Variants in EIF3A observed in about 807,000 individuals in gnomAD.
The protein encoded by EIF3A is eukaryotic translation initiation factor 3 subunit A, also known as EIF3, p180 subunit.
EIF3A carries 21 observed loss-of-function variants against 186.6 expected under a neutral mutation model. That is an observed-to-expected ratio of 0.11 (90% CI 0.08 to 0.16). EIF3A has a LOEUF of 0.16. Ranked by LOEUF, EIF3A falls within the 10% of genes least tolerant of loss-of-function variation. The pLI is 1.00. For missense variants in EIF3A, 1,306 were observed against 1,796.3 expected (o/e 0.73, Z 4.93); for synonymous variants, 563 against 584.3 (o/e 0.96, Z 0.52).
In EIF3A at chr10:119,059,639, C is replaced by T. The variant is rs751720763; in HGVS notation, c.1406G>A (p.Arg469Gln). Residue 469 changes from arginine (R) to glutamine (Q), a missense_variant, in exon 10 of 22, where the codon CGG (arginine) becomes CAG (glutamine). Arg to Gln is a conservative substitution (Grantham distance 43). Transcript: ENST00000369144. Reference sequence around the variant, plus strand: ...ATGCCTGGCTGCATCTACTATGGCCCGTTCCAGTTGGAAAGCATCAACAAA... The same window carrying T: ...ATGCCTGGCTGCATCTACTATGGCCTGTTCCAGTTGGAAAGCATCAACAAA... ...VPFVDAFQLE[R>Q]AIVDAARHCD... 5.0e-6 allele frequency: 8 copies of T among 1,614,114 alleles called. No individual in the cohort carries two copies. Among genetic ancestry groups the T allele is most frequent in the East Asian group, 2.2e-5 (1 of 44,880 alleles).
intron 1 of EIF3A, among the ~76,000 whole-genome samples, chr10:119,077,318 G>C (rs1209940184): frequency 1.3e-5 from 2 of 151,830 alleles, no homozygotes; most frequent in Admixed American, 6.6e-5. Context: ...GGGCATGGTG[G>C]GACACACCTG....
intron 14 of EIF3A, 129 bp downstream of exon 14, chr10:119,056,611 A>G (rs1843786813): frequency 1.5e-6 from 1 of 650,200 alleles, no homozygotes; most frequent in South Asian, 2.0e-5. Context: ...CAATCTGTTC[A>G]TAGGCAGCCA....
rs556687977 is a variant in EIF3A, at chr10:119,041,895, G to A, written c.3526+99C>T. 196 of 1,314,238 alleles carry A rather than the reference G, an allele frequency of 1.5e-4. 6 individuals are homozygous for A. The South Asian group carries it at 2.2e-3, about 15-fold the overall frequency. 81.4% of individuals were successfully genotyped at this position (1,314,238 alleles called of 1,614,324 possible). A position where few individuals can be genotyped will look rare whatever the true frequency, so the allele number is the denominator to read the frequency against. On this transcript the variant is annotated intron_variant, in intron 19 of 21. Coordinates refer to ENST00000369144, the MANE Select transcript of EIF3A (RefSeq NM_003750.4). ...ATACTGAAGGAAAGATGAAAGACCA[G>A]TTTATCTGGAAAATAACAATACAGC... is the stretch of plus-strand genomic sequence containing the variant.
Position 119,072,024 on chromosome 10 carries a change from CAAAAAA to C in EIF3A, c.541+860_541+865del, listed in dbSNP as rs56100757. Among the ~76,000 whole-genome samples, 15 of 59,472 alleles carry C rather than the reference CAAAAAA, an allele frequency of 2.5e-4. No homozygotes were observed. The East Asian group carries it at 3.5e-3, about 14-fold the overall frequency. 39.0% of individuals were successfully genotyped at this position (59,472 alleles called of 152,430 possible). A position where few individuals can be genotyped will look rare whatever the true frequency, so the allele number is the denominator to read the frequency against. On this transcript the variant is annotated intron_variant, in intron 4 of 21. Transcript: ENST00000369144. ...TGGGCCACAGAGCAAGACTCTGTCT[CAAAAAA>C]AAAAAAAAAAAAAAAAGAAAGAAAA...
Position 119,057,937 on chromosome 10 carries a change from T to A in EIF3A, c.1977+19A>T. The stretch of plus-strand genomic sequence containing the variant: ...TACCTGGATAAAACTAATTTTTTAA[T>A]AACTAAGATGCTACGTACTTCAATA... On this transcript the variant is annotated intron_variant, in intron 12 of 21. Coordinates refer to ENST00000369144, the MANE Select transcript of EIF3A (RefSeq NM_003750.4). The A allele has an allele frequency of 6.3e-7, 1 of 1,581,874 alleles. No homozygotes were observed. Among genetic ancestry groups the A allele is most frequent in the Non-Finnish European group, 8.6e-7 (1 of 1,162,566 alleles).
At chr10:119,073,304 G>C in intron 3 of EIF3A, 137 bp downstream of exon 3, 1 of 726,088 alleles carries the variant, frequency 1.4e-6, no homozygotes, top group South Asian at 2.0e-5. Context: ...TAAATTAACT[G>C]GTTACTATGC....
intron 11 of EIF3A, among the ~76,000 whole-genome samples, 155 bp downstream of exon 11, chr10:119,059,057 G>C (rs531629491): frequency 6.6e-6 from 1 of 152,274 alleles, no homozygotes; most frequent in East Asian, 1.9e-4. Flanking sequence ...TTGTGTATTT[G>C]ATCAAATAAC....
intron 7 of EIF3A, among the ~76,000 whole-genome samples, chr10:119,061,624 CAATAG>C (rs1174942696): frequency 6.6e-6 from 1 of 151,966 alleles, no homozygotes; most frequent in African/African-American, 2.4e-5. Context: ...CTACTGTGGC[CAATAG>C]AATATTTTAT....
At chr10:119,077,528 T>G (rs1419256896) in intron 1 of EIF3A, among the ~76,000 whole-genome samples, 1 of 151,970 alleles carries the variant, frequency 6.6e-6, no homozygotes, top group Non-Finnish European at 1.5e-5. Context: ...TTTGTCCTAA[T>G]TTATATACAA....
intron 3 of EIF3A, 122 bp downstream of exon 3, chr10:119,073,319 A>G (rs952125666): frequency 1.2e-6 from 1 of 817,834 alleles, no homozygotes; most frequent in Non-Finnish European, 1.9e-6. Context: ...CTATGCATTT[A>G]AAACTTCAAA....
rs190867523 is a variant in EIF3A at position 119,042,751 on chromosome 10, C to T, written c.2769G>A (p.Gly923=). ...TTCTATGAGACCTGTCCTCATCTCGCCCTTCTCCACGTCTCCACTCCCTAC... is the reference window on the plus strand; with the variant it reads ...TTCTATGAGACCTGTCCTCATCTCGTCCTTCTCCACGTCTCCACTCCCTAC... ...PPEKEWRRGE[G]RDEDRSHRRD... is the part of the protein sequence containing the mutation. Residue 923 remains glycine, a synonymous_variant, in exon 19 of 22, where the codon GGG becomes GGA. Coordinates refer to ENST00000369144, the MANE Select transcript of EIF3A (RefSeq NM_003750.4). This position sits in a 1 kb window ranked among gnomAD's most constrained non-coding sequence, Gnocchi z 7.8. 7 of 1,607,658 alleles carry T rather than the reference C, an allele frequency of 4.4e-6. No individual in the cohort carries two copies. In the East Asian group the frequency reaches 1.3e-4, roughly 31 times the overall value.
chr10:119,050,013 T>C lies in EIF3A; in HGVS notation c.2474-28A>G, dbSNP rs750893633. On this transcript the variant is annotated intron_variant, in intron 16 of 21. Coordinates refer to ENST00000369144, the MANE Select transcript of EIF3A (RefSeq NM_003750.4). ...AGACCATTGATTAGGTTACTAAGTG[T>C]GCCTCCCAGCCATATCTTCCCCCTA... The C allele has an allele frequency of 7.5e-6, 12 of 1,606,834 alleles. No individual in the cohort carries two copies. In the East Asian group the frequency reaches 2.5e-4, roughly 33 times the overall value.
chr10:119,042,845 C>A lies in EIF3A; in HGVS notation c.2748-73G>T. The A allele has an allele frequency of 6.9e-7, 1 of 1,440,122 alleles. No homozygotes were observed. The highest frequency in any genetic ancestry group is 2.1e-4 in the Middle Eastern group (1 of 4,666). 89.2% of individuals were successfully genotyped at this position (1,440,122 alleles called of 1,614,324 possible). A position where few individuals can be genotyped will look rare whatever the true frequency, so the allele number is the denominator to read the frequency against. ...ATGATCCTTTGGGGATTTTTTTTTT[C>A]ACATGCTTTTTAAAAACTTCAGTAT... On this transcript the variant is annotated intron_variant, in intron 18 of 21. Transcript: ENST00000369144. The surrounding 1 kb of genome is among the most constrained non-coding windows in gnomAD (Gnocchi z 7.8).
intron 14 of EIF3A, 116 bp downstream of exon 14, chr10:119,056,624 A>G (rs1843787014): frequency 5.8e-6 from 4 of 692,148 alleles, no homozygotes; most frequent in Non-Finnish European, 9.8e-6. Flanking sequence ...GGCAGCCATT[A>G]GAGCACCATT....
chr10:119,035,960 G>T lies in EIF3A; in HGVS notation c.*79C>A. On this transcript the variant is annotated 3_prime_UTR_variant, in exon 22 of 22. Coordinates refer to ENST00000369144, the MANE Select transcript of EIF3A (RefSeq NM_003750.4). ...AACATTAAAGAATCCAATTTAGATT[G>T]GTTGAAGCACAAGTATAATAATCCT... is the stretch of plus-strand genomic sequence containing the variant. 2 of 1,069,688 alleles carry T rather than the reference G, an allele frequency of 1.9e-6. No individual in the cohort carries two copies. Among genetic ancestry groups the T allele is most frequent in the Non-Finnish European group, 2.9e-6 (2 of 700,926 alleles). The allele number at this position is 1,069,688 out of a possible 1,614,324, so 66.3% of individuals were successfully genotyped here.
rs377515512 is a variant in EIF3A at position 119,059,153 on chromosome 10, G to C, written c.1629+59C>G. The C allele has an allele frequency of 5.9e-6, 8 of 1,345,500 alleles. No homozygotes were observed. In the East Asian group the frequency reaches 1.6e-4, roughly 27 times the overall value. The allele number at this position is 1,345,500 out of a possible 1,614,324, so 83.3% of individuals were successfully genotyped here. A position where few individuals can be genotyped will look rare whatever the true frequency, so the allele number is the denominator to read the frequency against. On this transcript the variant is annotated intron_variant, in intron 11 of 21. Transcript: ENST00000369144. ...CTCAAACCTTTTTGTAAAAGACATG[G>C]CATGGCGTTAAGAGTCCCTCAAAAC...
At chr10:119,059,925 A>G (rs547576231) in intron 9 of EIF3A, 20 of 610,830 alleles carry the variant, frequency 3.3e-5, no homozygotes, top group Non-Finnish European at 3.8e-5. Context: ...TCAAACCTAT[A>G]ATCTTTTCAA....
chr10:119,038,185 G>A (rs755130718), intron 20 of EIF3A, 53 bp downstream of exon 20: 3 of 1,496,700 alleles, frequency 2.0e-6, no homozygotes, highest in Non-Finnish European at 2.7e-6. Flanking sequence ...TGGGATTACA[G>A]GCATGAGCCA....
intron 17 of EIF3A, 97 bp downstream of exon 17, chr10:119,049,704 C>A: frequency 9.1e-7 from 1 of 1,099,966 alleles, no homozygotes; most frequent in Non-Finnish European, 1.3e-6. Context: ...CACTGTACTC[C>A]AGCCTGGGCA....
Sources: gnomAD v4.1 joint callset for allele counts (sites outside exome capture counted in the v4.1 genomes callset) on GRCh38, gnomAD v4.1.1 for gene constraint, Gnocchi (gnomAD v3.1) non-coding constraint, MANE v1.5 for transcripts, NCBI Gene and HGNC (gene_info 2026-07-23, HGNC 2026-07-21) for gene names.